CX3CR1: variants seen among roughly 807,000 people sequenced by gnomAD.
The protein encoded by CX3CR1 is CX3C chemokine receptor 1.
For synonymous variants in CX3CR1, 168 were observed against 178.5 expected (o/e 0.94, Z 0.47); for missense variants, 363 against 432.4 (o/e 0.84, Z 1.42).
In CX3CR1 at chr3:39,264,175, C is replaced by T. The variant is rs1267840953; in HGVS notation, c.*1267G>A. On this transcript the variant is annotated 3_prime_UTR_variant, in exon 2 of 2. Coordinates refer to ENST00000399220, the MANE Select transcript of CX3CR1 (RefSeq NM_001337.4). ...TGGGTGCCATCGTAAGAACCAGCCT[C>T]TTCTGTGTCTGGGCTATGCCACGCA... 6.6e-6 allele frequency: 1 copy of T among 152,336 alleles called. No homozygotes were observed. The highest frequency in any genetic ancestry group is 1.5e-5 in the Non-Finnish European group (1 of 68,142). 9.4% of individuals were successfully genotyped at this position (152,336 alleles called of 1,614,324 possible). A position where few individuals can be genotyped will look rare whatever the true frequency, so the allele number is the denominator to read the frequency against.
At chr3:39,268,505 A>G (rs1460490239) in intron 1 of CX3CR1, among the ~76,000 whole-genome samples, 1 of 152,190 alleles carries the variant, frequency 6.6e-6, no homozygotes, top group African/African-American at 2.4e-5. Context: ...CTGTATGAGT[A>G]AAAATAGTCA....
the CX3CR1 span, chr3:39,287,521 C>T: frequency 6.6e-6 from 1 of 152,156 alleles, no homozygotes. Flanking sequence ...ATGCTCACTC[C>T]AAAGTTTCTG....
chr3:39,269,641 T>A (rs937667016), intron 1 of CX3CR1, among the ~76,000 whole-genome samples: 1 of 152,186 alleles, frequency 6.6e-6, no homozygotes, highest in African/African-American at 2.4e-5. Flanking sequence ...GTTATGGGCA[T>A]CCATCTGGCT....
chr3:39,285,227 A>G (rs1249485592), upstream of CX3CR1, among the ~76,000 whole-genome samples: 1 of 151,638 alleles, frequency 6.6e-6, no homozygotes, highest in African/African-American at 2.4e-5. Context: ...AAAAAAAAAA[A>G]AAAAAATAGC....
chr3:39,268,980 C>T (rs986777366), intron 1 of CX3CR1, among the ~76,000 whole-genome samples: 6 of 152,100 alleles, frequency 3.9e-5, no homozygotes, highest in African/African-American at 1.4e-4. Context: ...CCCTGGGTAT[C>T]CTGGGAATTT....
At chr3:39,287,595 A>G in the CX3CR1 span, 2 of 152,168 alleles carry the variant, frequency 1.3e-5, no homozygotes, top group African/African-American at 4.8e-5. Context: ...ATTTTCGACA[A>G]ATTTGGAATA....
At chr3:39,273,703 A>T (rs892803372) in intron 1 of CX3CR1, among the ~76,000 whole-genome samples, 8 of 152,192 alleles carry the variant, frequency 5.3e-5, no homozygotes, top group African/African-American at 1.9e-4. Context: ...CAGTGGCATG[A>T]TCATAGCTCA....
chr3:39,279,655 G>A (rs2040874404), intron 1 of CX3CR1, among the ~76,000 whole-genome samples: 1 of 152,138 alleles, frequency 6.6e-6, no homozygotes, highest in Non-Finnish European at 1.5e-5. Flanking sequence ...TTCCTCAACA[G>A]CATCCAGATG....
intron 1 of CX3CR1, among the ~76,000 whole-genome samples, chr3:39,268,343 T>C (rs1353766420): frequency 1.3e-5 from 2 of 152,248 alleles, no homozygotes; most frequent in Non-Finnish European, 2.9e-5. Context: ...ATTAATAACA[T>C]TTAAGTCAAA....
At chr3:39,275,798 A>G (rs561353628) in intron 1 of CX3CR1, among the ~76,000 whole-genome samples, 3 of 152,310 alleles carry the variant, frequency 2.0e-5, no homozygotes, top group Non-Finnish European at 2.9e-5. Flanking sequence ...TTTAAGATAC[A>G]GTTCCTAGAA....
In CX3CR1 at chr3:39,266,110, C is replaced by G. The variant is rs2040695777; in HGVS notation, c.400G>C (p.Ala134Pro). ...SIDRYLAIVL[A>P]ANSMNNRTVQ... ...GTCCGGTTGTTCATGGAGTTGGCGG[C>G]CAGGACGATGGCCAGGTACCTATCA... Residue 134 changes from alanine to proline, a missense_variant, in exon 2 of 2, where the codon GCC becomes CCC. Physicochemically the swap from Ala to Pro is conservative, Grantham distance 27. Transcript: ENST00000399220. The G allele has an allele frequency of 6.2e-7, 1 of 1,614,052 alleles. No homozygotes were observed. Among genetic ancestry groups the G allele is most frequent in the Admixed American group, 1.7e-5 (1 of 60,008 alleles).
At chr3:39,285,213 A>G (rs913416990), upstream of CX3CR1, among the ~76,000 whole-genome samples, 14 of 9,976 alleles carry the variant, frequency 1.4e-3, no homozygotes, top group Admixed American at 0.017. Flanking sequence ...ATTGGTACAG[A>G]AAAAAAAAAA....
chr3:39,279,801 C>T (rs2040875331), intron 1 of CX3CR1, among the ~76,000 whole-genome samples, 153 bp downstream of exon 1: 1 of 152,188 alleles, frequency 6.6e-6, no homozygotes, highest in Admixed American at 6.5e-5. Context: ...CCCTTGCCTC[C>T]CACTCTTCCA....
Position 39,264,145 on chromosome 3 carries a change from C to G in CX3CR1, c.*1297G>C, listed in dbSNP as rs965767737. 2 of 152,264 alleles carry G rather than the reference C, an allele frequency of 1.3e-5. No individual in the cohort carries two copies. The highest frequency in any genetic ancestry group is 4.8e-5 in the African/African-American group (2 of 41,458). The allele number at this position is 152,264 out of a possible 1,614,324, so 9.4% of individuals were successfully genotyped here. A position where few individuals can be genotyped will look rare whatever the true frequency, so the allele number is the denominator to read the frequency against. Reference sequence around the variant, plus strand: ...CTATCACTCTGTAGACTTGGGAGTGCTCACTGGGTGCCATCGTAAGAACCA... The same window carrying G: ...CTATCACTCTGTAGACTTGGGAGTGGTCACTGGGTGCCATCGTAAGAACCA... On this transcript the variant is annotated 3_prime_UTR_variant, in exon 2 of 2. Transcript: ENST00000399220.
the CX3CR1 span, chr3:39,287,462 T>C: frequency 6.6e-6 from 1 of 152,196 alleles, no homozygotes; most frequent in Non-Finnish European, 1.5e-5. Context: ...CACTTGGTGA[T>C]GGAACCTGCA....
chr3:39,286,784 A>G, the CX3CR1 span: 4 of 152,200 alleles, frequency 2.6e-5, no homozygotes. Context: ...TTGAATCAAG[A>G]ATTTTAGACA....
chr3:39,288,271 T>C, the CX3CR1 span, among the ~76,000 whole-genome samples: 1 of 152,214 alleles, frequency 6.6e-6, no homozygotes, highest in Non-Finnish European at 1.5e-5. Flanking sequence ...ATCTCCAACC[T>C]GACCCTTGCT....
chr3:39,278,175 C>T (rs1481626568), intron 1 of CX3CR1, among the ~76,000 whole-genome samples: 1 of 152,176 alleles, frequency 6.6e-6, no homozygotes, highest in African/African-American at 2.4e-5. Context: ...GGTTCAGGAG[C>T]AGACTTTGTG....
chr3:39,287,098 C>T, the CX3CR1 span: 2 of 152,134 alleles, frequency 1.3e-5, no homozygotes, highest in Non-Finnish European at 2.9e-5. Context: ...TACTTTTGTC[C>T]ATCTCTATTC....
Sources: gnomAD v4.1 joint callset for allele counts (sites outside exome capture counted in the v4.1 genomes callset) on GRCh38, gnomAD v4.1.1 for gene constraint, MANE v1.5 for transcripts, NCBI Gene and HGNC (gene_info 2026-07-23, HGNC 2026-07-21) for gene names.